ADGRL2: variants seen among roughly 807,000 people sequenced by gnomAD.
ADGRL2 encodes adhesion G protein-coupled receptor L2.
A neutral mutation model predicts 157.4 loss-of-function variants in ADGRL2; 44 were observed. The observed-to-expected ratio is 0.28, with a 90% CI of 0.22 to 0.36. ADGRL2 has a LOEUF of 0.36. ADGRL2 is among the 10% of genes least tolerant of loss of function. The probability of loss-of-function intolerance (pLI) is 1.00; values close to 1 mark genes in which losing one functional copy is unlikely to be tolerated. For synonymous variants in ADGRL2, 585 were observed against 624.7 expected, an observed-to-expected ratio of 0.94 and a Z score of 0.95; for missense variants, 1,510 against 1,768.9, an observed-to-expected ratio of 0.85 and a Z score of 2.63.
chr1:81,616,720 T>C (rs1432114510), intron 3 of ADGRL2, among the ~76,000 whole-genome samples: 2 of 147,884 alleles, frequency 1.4e-5, no homozygotes, highest in African/African-American at 5.0e-5. Flanking sequence ...TCTGTTGCCC[T>C]GGCTGGAGTG....
intron 2 of ADGRL2, among the ~76,000 whole-genome samples, chr1:81,507,270 G>A (rs919053824): frequency 3.3e-5 from 5 of 152,046 alleles, no homozygotes; most frequent in African/African-American, 1.2e-4. Context: ...GAGCCCCTCA[G>A]CACTTTCTCC....
chr1:81,887,044 G>A (rs1440622085), intron 2 of ADGRL2, among the ~76,000 whole-genome samples: 2 of 152,150 alleles, frequency 1.3e-5, no homozygotes. Context: ...GCTAAAGATA[G>A]ACATTCCTAA....
intron 3 of ADGRL2, among the ~76,000 whole-genome samples, chr1:81,664,168 C>G (rs906012219): frequency 6.6e-6 from 1 of 151,992 alleles, no homozygotes; most frequent in Admixed American, 6.6e-5. Flanking sequence ...GTGCCCAACA[C>G]AAAGCTTTAT....
At chr1:81,652,789 A>G (rs2082447872) in intron 3 of ADGRL2, among the ~76,000 whole-genome samples, 1 of 152,194 alleles carries the variant, frequency 6.6e-6, no homozygotes, top group South Asian at 2.1e-4. Context: ...GCCCTCTTCC[A>G]ATCAAAGCCC....
chr1:81,594,973 C>T (rs1362732052), intron 3 of ADGRL2, among the ~76,000 whole-genome samples: 1 of 152,126 alleles, frequency 6.6e-6, no homozygotes, highest in Non-Finnish European at 1.5e-5. Flanking sequence ...ATTCAATCAC[C>T]AAACACTTAT....
intron 2 of ADGRL2, among the ~76,000 whole-genome samples, chr1:81,547,367 C>T (rs1423165552): frequency 6.6e-6 from 1 of 152,178 alleles, no homozygotes; most frequent in Non-Finnish European, 1.5e-5. Flanking sequence ...TCACCATTCC[C>T]CTCAAATTCT....
At chr1:81,364,801 G>A (rs1553157667) in intron 1 of ADGRL2, among the ~76,000 whole-genome samples, 1 of 151,652 alleles carries the variant, frequency 6.6e-6, no homozygotes, top group Non-Finnish European at 1.5e-5. Context: ...CCAGGTTCAA[G>A]CAATTCTCCT....
chr1:81,800,680 A>G (rs1324442015), upstream of ADGRL2, among the ~76,000 whole-genome samples: 4 of 151,466 alleles, frequency 2.6e-5, no homozygotes, highest in Non-Finnish European at 4.4e-5. Context: ...CTCCAGAAAT[A>G]AAATAAATGT....
chr1:81,612,363 T>C (rs1054945009), intron 3 of ADGRL2, among the ~76,000 whole-genome samples: 2 of 152,288 alleles, frequency 1.3e-5, no homozygotes, highest in South Asian at 4.1e-4. Flanking sequence ...AGGGCCTGGA[T>C]CTTGCTAATC....
At position 81,706,593 on chromosome 1, in the gene ADGRL2, G is replaced by T. The variant is rs929498264; in HGVS notation, c.-143+6785G>T. Among the ~76,000 whole-genome samples the T allele has an allele frequency of 3.6e-4, 55 of 152,302 alleles. 1 individual carries two copies. Among genetic ancestry groups the T allele is most frequent in the African/African-American group, 1.3e-3 (54 of 41,570 alleles). ...CAGACAAGACCCAAAGGATAGGTGA[G>T]ATTGTCAACGAAAAGAGAGAACAGG... is the stretch of plus-strand genomic sequence containing the variant. On this transcript the variant is annotated intron_variant, in intron 1 of 20. Transcript: ENST00000359929.
At chr1:81,419,793 C>T (rs1176821298) in intron 1 of ADGRL2, among the ~76,000 whole-genome samples, 1 of 152,170 alleles carries the variant, frequency 6.6e-6, no homozygotes, top group Non-Finnish European at 1.5e-5. Context: ...ATAGGAGACC[C>T]ACATAGTGGT....
At chr1:81,561,553 C>T (rs374131112) in intron 2 of ADGRL2, among the ~76,000 whole-genome samples, 49 of 151,086 alleles carry the variant, frequency 3.2e-4, no homozygotes, top group African/African-American at 1.0e-3. Context: ...CACAATCTCC[C>T]GGGTTCAAGC....
intron 2 of ADGRL2, among the ~76,000 whole-genome samples, chr1:81,480,354 T>G (rs2078359556): frequency 6.6e-6 from 1 of 152,232 alleles, no homozygotes; most frequent in Non-Finnish European, 1.5e-5. Context: ...TACCTTCATT[T>G]CTTCTTTATA....
chr1:81,880,497 G>A (rs2093958160), intron 2 of ADGRL2, among the ~76,000 whole-genome samples: 1 of 152,280 alleles, frequency 6.6e-6, no homozygotes, highest in East Asian at 1.9e-4. Context: ...CACTTGAAGA[G>A]TGAGTGGTGT....
chr1:81,639,652 G>C (rs751023634), intron 3 of ADGRL2, among the ~76,000 whole-genome samples: 3 of 151,048 alleles, frequency 2.0e-5, no homozygotes, highest in Non-Finnish European at 2.9e-5. Flanking sequence ...AGACCAAAGA[G>C]AGTTATTAGA....
intron 2 of ADGRL2, among the ~76,000 whole-genome samples, chr1:81,450,297 C>T (rs926254116): frequency 2.6e-5 from 4 of 152,122 alleles, no homozygotes; most frequent in Non-Finnish European, 5.9e-5. Context: ...TGAAAACCCA[C>T]GAGTATGCCA....
At chr1:81,711,338 TA>T (rs2083921972) in intron 1 of ADGRL2, among the ~76,000 whole-genome samples, 1 of 152,234 alleles carries the variant, frequency 6.6e-6, no homozygotes, top group African/African-American at 2.4e-5. Flanking sequence ...AGTTGCTTTT[TA>T]AAGTAAAAAT....
intron 1 of ADGRL2, among the ~76,000 whole-genome samples, chr1:81,351,959 A>G (rs1181541576): frequency 1.3e-5 from 2 of 152,260 alleles, no homozygotes; most frequent in African/African-American, 4.8e-5. Flanking sequence ...GCAGGTAGCC[A>G]AAACACAAAA....
intron 2 of ADGRL2, among the ~76,000 whole-genome samples, chr1:81,543,295 T>TC (rs1304108433): frequency 2.0e-5 from 3 of 151,786 alleles, no homozygotes; most frequent in Non-Finnish European, 2.9e-5. Flanking sequence ...GAGGGCTAAT[T>TC]CCCTCACTAA....
Sources: allele counts gnomAD v4.1 joint callset (sites outside exome capture counted in the v4.1 genomes callset), GRCh38; gene constraint gnomAD v4.1.1; transcripts MANE v1.5; gene names NCBI Gene and HGNC (gene_info 2026-07-23, HGNC 2026-07-21).